Variants in BNC1 observed in about 807,000 individuals in gnomAD.
BNC1 encodes the protein basonuclin zinc finger protein 1.
A neutral mutation model predicts 66.5 loss-of-function variants in BNC1; 8 were observed. That is an observed-to-expected ratio of 0.12 (90% CI 0.07 to 0.22). The LOEUF (loss-of-function observed/expected upper bound fraction) is 0.22, where lower values mean the gene tolerates loss of function less well. BNC1 is among the 10% of genes least tolerant of loss of function. The pLI is 1.00. For missense variants in BNC1, 1,069 were observed against 1,241.3 expected (o/e 0.86, Z 2.09); for synonymous variants, 454 against 452.6 (o/e 1.00, Z -0.04).
Position 83,263,202 on chromosome 15 carries a change from G to A in BNC1, c.2049C>T (p.Leu683=). 1.2e-6 allele frequency: 2 copies of A among 1,614,200 alleles called. No homozygotes were observed. The highest frequency in any genetic ancestry group is 1.6e-4 in the Middle Eastern group (1 of 6,062). Residue 683 remains leucine, a synonymous_variant, in exon 4 of 5, where the codon CTC becomes CTT. Transcript: ENST00000345382. ...TTCCCCTGTTGGACAAAGCACTGAA[G>A]AGTCCCCCAGCCAGCAGGCGCTGCT... ...ELQQRLLAGG[L]FSALSNRGMA...
intron 4 of BNC1, among the ~76,000 whole-genome samples, chr15:83,258,922 T>G (rs1029638908): frequency 2.6e-5 from 4 of 152,234 alleles, no homozygotes; most frequent in Non-Finnish European, 4.4e-5. Flanking sequence ...GTATTTCTAT[T>G]GGATAGCACT....
chr15:83,266,782 T>C, intron 3 of BNC1, 54 bp downstream of exon 3: 1 of 1,525,618 alleles, frequency 6.6e-7, no homozygotes, highest in Middle Eastern at 1.7e-4. Context: ...GTCAGTTATA[T>C]GGGCACAAAT....
Position 83,267,035 on chromosome 15 carries a change from G to C in BNC1, c.236C>G (p.Thr79Arg). The C allele has an allele frequency of 6.2e-7, 1 of 1,614,068 alleles. No individual in the cohort carries two copies. Among genetic ancestry groups the C allele is most frequent in the Non-Finnish European group, 8.5e-7 (1 of 1,179,986 alleles). Residue 79 changes from threonine to arginine, a missense_variant, in exon 3 of 5, where the codon ACA becomes AGA. Around this residue, in one of 7 missense-constraint regions of BNC1, gnomAD observed 30 missense variants for 20.2 expected, o/e 1.49. Coordinates refer to ENST00000345382, the MANE Select transcript of BNC1 (RefSeq NM_001717.4). The part of the protein sequence containing the change: ...SKLRIPPMYP[T>R]SQVEIVQSNV... ...GGACTGGACAATCTCCACCTGGCTT[G>C]TTGGATACATGGGGGGGATCCTTAG...
Position 83,283,357 on chromosome 15 carries a change from G to A in BNC1, c.99+1173C>T, listed in dbSNP as rs993994711. The A allele has an allele frequency of 3.0e-5, 42 of 1,412,862 alleles. No homozygotes were observed. The East Asian group carries it at 1.0e-3, about 34-fold the overall frequency. The allele number at this position is 1,412,862 out of a possible 1,614,324, so 87.5% of individuals were successfully genotyped here. ...CGGCGGGGCTCCGGGTCTGGGCGGC[G>A]GCTCCGGAGGAGCAGCGGGAGACCC... On this transcript the variant is annotated intron_variant, in intron 1 of 4. Coordinates refer to ENST00000345382, the MANE Select transcript of BNC1 (RefSeq NM_001717.4).
chr15:83,261,212 G>C (rs1185557466), intron 4 of BNC1, among the ~76,000 whole-genome samples: 1 of 152,120 alleles, frequency 6.6e-6, no homozygotes, highest in African/African-American at 2.4e-5. Flanking sequence ...GGCTGAAGAA[G>C]GACTGGTTCA....
chr15:83,268,338 C>T (rs2038237434), intron 1 of BNC1, 106 bp from the exon 2 acceptor site: 6 of 982,172 alleles, frequency 6.1e-6, no homozygotes, highest in Non-Finnish European at 9.4e-6. Flanking sequence ...ACTTATTGAG[C>T]AATATGTGCC....
intron 1 of BNC1, among the ~76,000 whole-genome samples, chr15:83,284,291 C>T (rs1452754279): frequency 6.6e-6 from 1 of 151,960 alleles, no homozygotes; most frequent in Admixed American, 6.6e-5. Flanking sequence ...AGACCGTTTG[C>T]CAGCTCCGGG....
Position 83,262,939 on chromosome 15 carries a change from C to A in BNC1, c.2300+12G>T. The A allele has an allele frequency of 6.3e-7, 1 of 1,586,660 alleles. No homozygotes were observed. Among genetic ancestry groups the A allele is most frequent in the Non-Finnish European group, 8.6e-7 (1 of 1,166,810 alleles). ...CTGCCTTAGAAAAAATGATTGCCTA[C>A]AGATGCCTTACCTGTCTCTGCTCCT... On this transcript the variant is annotated intron_variant, in intron 4 of 4. Coordinates refer to ENST00000345382, the MANE Select transcript of BNC1 (RefSeq NM_001717.4).
In BNC1 at chr15:83,264,546, G is replaced by T. The variant is rs141173152; in HGVS notation, c.705C>A (p.Asn235Lys). Residue 235 changes from asparagine to lysine, a missense_variant, in exon 4 of 5, where the codon AAC becomes AAA. Physicochemically the swap from Asn to Lys is moderately conservative, Grantham distance 94 (BLOSUM62 0). Coordinates refer to ENST00000345382, the MANE Select transcript of BNC1 (RefSeq NM_001717.4). ...GCATGAAAGTCATGTTGCTTATGAG[G>T]TTCTCAAAGGGGTGTATACTGCTGG... ...GNPSSIHPFE[N>K]LISNMTFMLP... 10 of 1,613,994 alleles carry T rather than the reference G, an allele frequency of 6.2e-6. No individual in the cohort carries two copies. The highest frequency in any genetic ancestry group is 1.7e-5 in the Admixed American group (1 of 60,000).
intron 1 of BNC1, among the ~76,000 whole-genome samples, chr15:83,284,188 G>T (rs11637706): frequency 1.2e-4 from 18 of 152,126 alleles, no homozygotes; most frequent in Admixed American, 1.2e-3. Flanking sequence ...GCGGGCGGCA[G>T]AGAGTGGCGT....
chr15:83,262,624 T>C (rs1417168828), intron 4 of BNC1, among the ~76,000 whole-genome samples: 2 of 152,210 alleles, frequency 1.3e-5, no homozygotes, highest in African/African-American at 4.8e-5. Context: ...TGTTGAAATA[T>C]GAAAATTCAT....
intron 1 of BNC1, among the ~76,000 whole-genome samples, chr15:83,284,068 A>T (rs1238127514): frequency 1.3e-5 from 2 of 151,846 alleles, no homozygotes; most frequent in Non-Finnish European, 2.9e-5. Flanking sequence ...GCCAGTGTGA[A>T]ATATCAGCTG....
intron 1 of BNC1, chr15:83,283,033 A>G: frequency 3.0e-6 from 4 of 1,348,004 alleles, no homozygotes; most frequent in Non-Finnish European, 4.1e-6. Context: ...CCATAAAACC[A>G]GGGGACGTTA....
At chr15:83,284,379 C>T (rs2038420880) in intron 1 of BNC1, 151 bp downstream of exon 1, 3 of 389,954 alleles carry the variant, frequency 7.7e-6, no homozygotes, top group Admixed American at 6.2e-5. Flanking sequence ...TCCCTCCCGC[C>T]GCGCCTCGGG....
intron 4 of BNC1, among the ~76,000 whole-genome samples, chr15:83,259,921 C>A (rs2038122434): frequency 6.6e-6 from 1 of 152,122 alleles, no homozygotes; most frequent in Non-Finnish European, 1.5e-5. Flanking sequence ...TCTCCTAATC[C>A]TGTACTCACT....
In BNC1 at chr15:83,264,241, A is replaced by G; in HGVS notation, c.1010T>C (p.Leu337Ser). Reference sequence around the variant, plus strand: ...AGGCTTCACTTTGGCCTCAGGGGATAACTGTGTCCTTTCAAACTTAGTGAC... The same window carrying G: ...AGGCTTCACTTTGGCCTCAGGGGATGACTGTGTCCTTTCAAACTTAGTGAC... ...NIVTKFERTQ[L>S]SPEAKVKPER... Residue 337 changes from leucine to serine, a missense_variant, in exon 4 of 5, where the codon TTA becomes TCA. Physicochemically the swap from Leu to Ser is moderately radical, Grantham distance 145 (BLOSUM62 -2). Coordinates refer to ENST00000345382, the MANE Select transcript of BNC1 (RefSeq NM_001717.4). The G allele has an allele frequency of 6.2e-7, 1 of 1,614,192 alleles. No homozygotes were observed. Among genetic ancestry groups the G allele is most frequent in the Non-Finnish European group, 8.5e-7 (1 of 1,180,036 alleles).
Position 83,269,928 on chromosome 15 carries a change from G to A in BNC1, c.100-1696C>T, listed in dbSNP as rs961160458. On this transcript the variant is annotated intron_variant, in intron 1 of 4. Transcript: ENST00000345382. The stretch of plus-strand genomic sequence containing the variant: ...AAATACTGATACATGCTGCAACATG[G>A]ATGAACTTTGAAAATATTATGTACT... 3.9e-5 allele frequency among the ~76,000 whole-genome samples: 6 copies of A among 152,296 alleles called. No individual in the cohort carries two copies. The East Asian group carries it at 1.2e-3, about 29-fold the overall frequency.
At chr15:83,262,228 T>C (rs1164000254) in intron 4 of BNC1, among the ~76,000 whole-genome samples, 4 of 152,064 alleles carry the variant, frequency 2.6e-5, no homozygotes, top group African/African-American at 9.7e-5. Context: ...AATTTTTCTA[T>C]TTTTAGTAGA....
rs2038190083 is a variant in BNC1, at chr15:83,264,343, T to A, written c.908A>T (p.Gln303Leu). 6.2e-7 allele frequency: 1 copy of A among 1,614,174 alleles called. No individual in the cohort carries two copies. The highest frequency in any genetic ancestry group is 1.3e-5 in the African/African-American group (1 of 75,038). Residue 303 changes from glutamine to leucine, a missense_variant, in exon 4 of 5, where the codon CAG becomes CTG. Physicochemically the swap from Gln to Leu is moderately radical, Grantham distance 113. Around this residue, in one of 7 missense-constraint regions of BNC1, gnomAD observed 181 missense variants for 181.5 expected, o/e 1.00. Transcript: ENST00000345382. ...SSTPFQVEKD[Q>L]CLNCPDAITK... is the part of the protein sequence containing the mutation. Reference sequence around the variant, plus strand: ...AATAGCATCCGGACAGTTTAAACACTGATCTTTTTCAACCTGAAATGGTGT... The same window carrying A: ...AATAGCATCCGGACAGTTTAAACACAGATCTTTTTCAACCTGAAATGGTGT...
Sources: allele counts gnomAD v4.1 joint callset (sites outside exome capture counted in the v4.1 genomes callset), GRCh38; gene constraint gnomAD v4.1.1; regional missense constraint gnomAD v4.1.1; transcripts MANE v1.5; gene names NCBI Gene and HGNC (gene_info 2026-07-23, HGNC 2026-07-21).